NRG3: variants seen among roughly 807,000 people sequenced by gnomAD.
NRG3 encodes neuregulin 3.
A neutral mutation model predicts 66.9 loss-of-function variants in NRG3; 31 were observed. The ratio of observed to expected loss-of-function variants is 0.46; its 90% CI spans 0.35 to 0.63. NRG3 has a LOEUF of 0.63. NRG3 is among the 20% of genes least tolerant of loss of function. The probability of loss-of-function intolerance (pLI) is 0.00; values close to 1 mark genes in which losing one functional copy is unlikely to be tolerated. For missense variants in NRG3, 910 were observed against 878.9 expected, an observed-to-expected ratio of 1.04 and a Z score of -0.45; for synonymous variants, 393 against 359.4, an observed-to-expected ratio of 1.09 and a Z score of -1.06.
At chr10:82,212,019 A>G (rs897649175) in intron 1 of NRG3, among the ~76,000 whole-genome samples, 21 of 152,166 alleles carry the variant, frequency 1.4e-4, no homozygotes, top group Admixed American at 1.4e-3. Flanking sequence ...AACAGGAGGC[A>G]TATATTTTAG....
chr10:81,990,392 G>T (rs1244543209), intron 1 of NRG3, among the ~76,000 whole-genome samples: 1 of 152,088 alleles, frequency 6.6e-6, no homozygotes, highest in African/African-American at 2.4e-5. Flanking sequence ...CATTTATGAA[G>T]TCATCTGTAT....
chr10:82,368,919 C>T (rs1394809444), intron 2 of NRG3, among the ~76,000 whole-genome samples: 1 of 138,244 alleles, frequency 7.2e-6, no homozygotes, highest in Non-Finnish European at 1.5e-5. Context: ...AAAGATGGCT[C>T]AGCTGTTCTG....
At chr10:82,717,629 T>G (rs1009670871) in intron 2 of NRG3, among the ~76,000 whole-genome samples, 3 of 151,978 alleles carry the variant, frequency 2.0e-5, no homozygotes, top group African/African-American at 7.2e-5. Context: ...GGTCTTGATC[T>G]CCTGACCTCG....
intron 1 of NRG3, among the ~76,000 whole-genome samples, chr10:81,930,083 G>A (rs1043922939): frequency 3.9e-5 from 6 of 152,148 alleles, no homozygotes; most frequent in African/African-American, 1.4e-4. Flanking sequence ...GATTACAGGA[G>A]GAGTGATCTG....
chr10:82,477,751 A>AG (rs536638231), intron 2 of NRG3, among the ~76,000 whole-genome samples: 3 of 152,222 alleles, frequency 2.0e-5, no homozygotes, highest in Admixed American at 1.3e-4. Flanking sequence ...TAGGGAGATC[A>AG]GTTAGGGAAC....
chr10:82,343,765 T>TC (rs1564816336), intron 1 of NRG3, among the ~76,000 whole-genome samples: 2 of 151,744 alleles, frequency 1.3e-5, no homozygotes, highest in Non-Finnish European at 2.9e-5. Context: ...ACTGCTCAAA[T>TC]CCCCCCTGAA....
At chr10:82,330,780 T>C (rs1373459086) in intron 1 of NRG3, among the ~76,000 whole-genome samples, 4 of 152,202 alleles carry the variant, frequency 2.6e-5, no homozygotes. Flanking sequence ...AATATAATAA[T>C]ATACACTGAG....
chr10:82,020,318 TTCCTTGAAGAG>T (rs1381987173), intron 1 of NRG3, among the ~76,000 whole-genome samples: 2 of 152,140 alleles, frequency 1.3e-5, no homozygotes, highest in Admixed American at 6.6e-5. Flanking sequence ...CCTTGTTTAA[TTCCTTGAAGAG>T]TCTCACTATT....
intron 2 of NRG3, among the ~76,000 whole-genome samples, chr10:82,480,005 T>G (rs1213651650): frequency 2.0e-5 from 3 of 152,068 alleles, no homozygotes; most frequent in Non-Finnish European, 2.9e-5. Flanking sequence ...CAAAAAAACC[T>G]TACCATTTAA....
At chr10:82,304,252 A>G (rs571327932) in intron 1 of NRG3, among the ~76,000 whole-genome samples, 6 of 152,232 alleles carry the variant, frequency 3.9e-5, no homozygotes, top group African/African-American at 1.2e-4. Context: ...TTTGAATGTG[A>G]CTGGAATCTT....
chr10:82,642,369 G>C (rs1438753701), intron 2 of NRG3, among the ~76,000 whole-genome samples: 2 of 151,470 alleles, frequency 1.3e-5, no homozygotes, highest in African/African-American at 4.9e-5. Context: ...AATAGACCAA[G>C]ACATTGATTA....
Position 81,875,876 on chromosome 10 carries a change from C to T in NRG3, c.536C>T (p.Pro179Leu). 1 of 1,611,266 alleles carries T rather than the reference C, an allele frequency of 6.2e-7. No individual in the cohort carries two copies. The highest frequency in any genetic ancestry group is 8.5e-7 in the Non-Finnish European group (1 of 1,179,790). Residue 179 changes from proline to leucine, a missense_variant, in exon 1 of 9, where the codon CCG becomes CTG. Pro to Leu is a moderately conservative substitution (Grantham distance 98). Coordinates refer to ENST00000372141, the MANE Select transcript of NRG3 (RefSeq NM_001010848.4). The surrounding 1 kb of genome is among the most constrained non-coding windows in gnomAD (Gnocchi z 5.3). Reference sequence around the variant, plus strand: ...CACCGGGTGCCCATCCGGGCCAGCCCGCGCTCCACCACAGCACGGAACACT... The same window carrying T: ...CACCGGGTGCCCATCCGGGCCAGCCTGCGCTCCACCACAGCACGGAACACT... ...PGHRVPIRAS[P>L]RSTTARNTAA...
At chr10:82,375,467 GC>G (rs2085163020) in intron 2 of NRG3, among the ~76,000 whole-genome samples, 1 of 151,814 alleles carries the variant, frequency 6.6e-6, no homozygotes, top group Admixed American at 6.6e-5. Flanking sequence ...AACCTGGGAG[GC>G]GGAGCTTGCA....
intron 1 of NRG3, among the ~76,000 whole-genome samples, chr10:82,004,169 T>C (rs750612626): frequency 2.6e-5 from 4 of 152,174 alleles, no homozygotes; most frequent in Non-Finnish European, 5.9e-5. Context: ...TGCCATGTGG[T>C]AAAGGTAAGA....
chr10:82,906,834 G>A (rs1844780629), intron 4 of NRG3, among the ~76,000 whole-genome samples: 1 of 152,094 alleles, frequency 6.6e-6, no homozygotes, highest in South Asian at 2.1e-4. Context: ...AAAGAAGTCT[G>A]CAGAAATCAG....
At chr10:82,408,131 G>GA (rs1491232024) in intron 2 of NRG3, among the ~76,000 whole-genome samples, 30 of 129,864 alleles carry the variant, frequency 2.3e-4, no homozygotes, top group Admixed American at 3.1e-4. Context: ...AAGAAAGAAA[G>GA]AAAGAAAGAA....
chr10:82,682,410 T>G (rs560353404), intron 2 of NRG3, among the ~76,000 whole-genome samples: 1 of 151,542 alleles, frequency 6.6e-6, no homozygotes, highest in South Asian at 2.1e-4. Context: ...GATAGATAGA[T>G]AGATAGATAG....
At chr10:81,981,761 T>C (rs1345598944) in intron 1 of NRG3, among the ~76,000 whole-genome samples, 1 of 152,236 alleles carries the variant, frequency 6.6e-6, no homozygotes, top group Non-Finnish European at 1.5e-5. Context: ...TTACAGCCAT[T>C]TAACTTGATT....
chr10:82,272,595 A>T (rs1288663366), intron 1 of NRG3, among the ~76,000 whole-genome samples: 2 of 152,112 alleles, frequency 1.3e-5, no homozygotes, highest in East Asian at 3.9e-4. Flanking sequence ...ATTTTCTCCC[A>T]TTGAAAAAGC....
Sources: allele counts gnomAD v4.1 joint callset (sites outside exome capture counted in the v4.1 genomes callset), GRCh38; gene constraint gnomAD v4.1.1; non-coding constraint Gnocchi (gnomAD v3.1); transcripts MANE v1.5; gene names NCBI Gene and HGNC (gene_info 2026-07-23, HGNC 2026-07-21).